The following FSTL5 variants were observed in gnomAD, a reference collection of about 807,000 sequenced individuals.
FSTL5 encodes the protein follistatin-related protein 5.
FSTL5 carries 62 observed loss-of-function variants against 89.1 expected under a neutral mutation model. The observed-to-expected ratio is 0.70, with a 90% CI of 0.57 to 0.86. The LOEUF is 0.86. Among genes scored for constraint, FSTL5 ranks in the 40% least tolerant of loss-of-function variants. The pLI, the probability that FSTL5 is intolerant of heterozygous loss-of-function variation, is 0.00. For synonymous variants in FSTL5, 383 were observed against 346.2 expected (o/e 1.11, Z -1.18); for missense variants, 1,057 against 1,001.6 (o/e 1.06, Z -0.75).
chr4:161,646,651 G>A (rs1019020673), intron 7 of FSTL5, among the ~76,000 whole-genome samples: 5 of 151,982 alleles, frequency 3.3e-5, no homozygotes, highest in Non-Finnish European at 5.9e-5. Flanking sequence ...TGCCACACCT[G>A]CAATTGAATT....
At chr4:161,976,200 G>A (rs80317551) in intron 3 of FSTL5, among the ~76,000 whole-genome samples, 1,519 of 151,636 alleles carry the variant, frequency 0.01, 25 homozygotes, top group African/African-American at 0.034. Context: ...ACTTAAGAGC[G>A]TAAGCCTTCT....
At chr4:161,435,251 G>A (rs1732519581) in intron 15 of FSTL5, among the ~76,000 whole-genome samples, 1 of 152,100 alleles carries the variant, frequency 6.6e-6, no homozygotes, top group Non-Finnish European at 1.5e-5. Context: ...TAAAAAAAAT[G>A]AGATATTGTT....
intron 7 of FSTL5, 118 bp downstream of exon 7, chr4:161,656,210 C>T: frequency 2.0e-6 from 1 of 494,706 alleles, no homozygotes; most frequent in Non-Finnish European, 3.4e-6. Context: ...ATAGCAATGT[C>T]CCAATAATTC....
chr4:161,433,921 A>C (rs533276903), intron 15 of FSTL5, among the ~76,000 whole-genome samples: 36 of 152,264 alleles, frequency 2.4e-4, no homozygotes, highest in African/African-American at 7.9e-4. Flanking sequence ...AAAAATAAAA[A>C]GATAGTCCAT....
chr4:161,815,960 A>G (rs1008512773), intron 4 of FSTL5, among the ~76,000 whole-genome samples: 12 of 152,220 alleles, frequency 7.9e-5, no homozygotes, highest in African/African-American at 2.9e-4. Flanking sequence ...AAAAAAATAC[A>G]GTGTCTTGAA....
intron 6 of FSTL5, among the ~76,000 whole-genome samples, chr4:161,692,670 G>A (rs1038435201): frequency 1.3e-5 from 2 of 152,104 alleles, no homozygotes; most frequent in African/African-American, 2.4e-5. Flanking sequence ...TCACCTGTAC[G>A]TGAAGTAGAG....
At chr4:161,787,910 T>G (rs1189249766) in intron 4 of FSTL5, among the ~76,000 whole-genome samples, 1 of 152,184 alleles carries the variant, frequency 6.6e-6, no homozygotes, top group African/African-American at 2.4e-5. Context: ...TTTTCTCAAG[T>G]CACTTTTGTT....
chr4:161,572,318 T>TAA (rs755306574), intron 8 of FSTL5, among the ~76,000 whole-genome samples: 1,571 of 64,006 alleles, frequency 0.025, 126 homozygotes, highest in African/African-American at 0.096. Context: ...AGACTCCGTC[T>TAA]AAAAAAAAAA....
rs1735889020 is a variant in FSTL5, at chr4:161,639,913, G to A, written c.894+16415C>T. Among the ~76,000 whole-genome samples the A allele has an allele frequency of 1.3e-5, 2 of 152,168 alleles. 1 individual carries two copies. Among genetic ancestry groups the A allele is most frequent in the South Asian group, 4.1e-4 (2 of 4,832 alleles). On this transcript the variant is annotated intron_variant, in intron 7 of 15. Coordinates refer to ENST00000306100, the MANE Select transcript of FSTL5 (RefSeq NM_020116.5). ...AAGCTCCCCCTTCCTCAGCTAAAGTGACTTGCAGATAATTTAAAGGGTCAG... is the reference window on the plus strand; with the variant it reads ...AAGCTCCCCCTTCCTCAGCTAAAGTAACTTGCAGATAATTTAAAGGGTCAG...
At chr4:161,617,598 A>T (rs1734945267) in intron 7 of FSTL5, among the ~76,000 whole-genome samples, 1 of 152,174 alleles carries the variant, frequency 6.6e-6, no homozygotes, top group Non-Finnish European at 1.5e-5. Flanking sequence ...TTAAAGGATG[A>T]AGAGAAAATA....
intron 10 of FSTL5, among the ~76,000 whole-genome samples, chr4:161,526,283 G>A (rs1731216605): frequency 6.6e-6 from 1 of 151,738 alleles, no homozygotes; most frequent in Non-Finnish European, 1.5e-5. Context: ...GACCTATTAG[G>A]GCATATTTGA....
At chr4:161,831,744 T>C (rs1730852369) in intron 4 of FSTL5, among the ~76,000 whole-genome samples, 1 of 151,890 alleles carries the variant, frequency 6.6e-6, no homozygotes, top group Admixed American at 6.6e-5. Flanking sequence ...ATTAAATAAC[T>C]TCTGTTGTAT....
intron 4 of FSTL5, among the ~76,000 whole-genome samples, chr4:161,797,683 C>T (rs937069419): frequency 5.9e-5 from 9 of 151,502 alleles, no homozygotes; most frequent in African/African-American, 2.2e-4. Context: ...TACAAGTCCT[C>T]TGTTTATTAA....
chr4:161,774,686 A>T (rs556870369), intron 5 of FSTL5, among the ~76,000 whole-genome samples: 1 of 147,180 alleles, frequency 6.8e-6, no homozygotes, highest in East Asian at 2.0e-4. Flanking sequence ...TGAAAAAAAA[A>T]CTCTCAAAAT....
At chr4:162,040,500 T>A (rs1436067838) in intron 2 of FSTL5, among the ~76,000 whole-genome samples, 1 of 151,912 alleles carries the variant, frequency 6.6e-6, no homozygotes, top group Non-Finnish European at 1.5e-5. Context: ...ACAACTATTT[T>A]GGCGGTGGCA....
At position 161,866,465 on chromosome 4, in the gene FSTL5, A is replaced by AGTGTGTGTGTGTGTGT. The variant is rs70937692; in HGVS notation, c.409+53923_409+53938dup. Among the ~76,000 whole-genome samples, 105 of 131,944 alleles carry AGTGTGTGTGTGTGTGT rather than the reference A, an allele frequency of 8.0e-4. 2 individuals carry two copies. The highest frequency in any genetic ancestry group is 6.8e-3 in the East Asian group (28 of 4,102). The allele number at this position is 131,944 out of a possible 152,430, so 86.6% of individuals were successfully genotyped here. ...GGTGTTTTATAGTGTTCTAAGCTGT[A>AGTGTGTGTGTGTGTGT]GTGTGTGTGTGTGTGTGTGTGTGTG... On this transcript the variant is annotated intron_variant, in intron 4 of 15. Transcript: ENST00000306100.
At chr4:162,061,760 C>T (rs1243264349) in intron 2 of FSTL5, among the ~76,000 whole-genome samples, 1 of 152,084 alleles carries the variant, frequency 6.6e-6, no homozygotes, top group African/African-American at 2.4e-5. Flanking sequence ...GCAGCCCTAC[C>T]TGAAGATGAT....
chr4:161,535,393 T>A (rs1021546843), intron 10 of FSTL5, among the ~76,000 whole-genome samples: 8 of 151,944 alleles, frequency 5.3e-5, no homozygotes, highest in Non-Finnish European at 1.0e-4. Context: ...AAAAATCAAA[T>A]AATCCAATTT....
At chr4:161,940,672 C>A (rs1734556349) in intron 3 of FSTL5, among the ~76,000 whole-genome samples, 1 of 151,682 alleles carries the variant, frequency 6.6e-6, no homozygotes, top group Non-Finnish European at 1.5e-5. Flanking sequence ...ATAAAACTAC[C>A]TTTTGAAAAT....
Sources: allele counts gnomAD v4.1 joint callset (sites outside exome capture counted in the v4.1 genomes callset), GRCh38; gene constraint gnomAD v4.1.1; transcripts MANE v1.5; gene names NCBI Gene and HGNC (gene_info 2026-07-23, HGNC 2026-07-21).